TMPRSS11D: variants seen among roughly 807,000 people sequenced by gnomAD.
TMPRSS11D encodes the protein transmembrane serine protease 11D, also known as transmembrane protease serine 11D.
TMPRSS11D carries 32 observed loss-of-function variants against 44.4 expected under a neutral mutation model. The observed-to-expected ratio is 0.72, with a 90% CI of 0.54 to 0.97. The LOEUF is 0.97. TMPRSS11D is among the 50% of genes least tolerant of loss of function. The pLI is 0.00. For synonymous variants in TMPRSS11D, 179 were observed against 177.9 expected (o/e 1.01, Z -0.05); for missense variants, 446 against 502.6 (o/e 0.89, Z 1.08).
At chr4:67,857,268 A>G (rs890673140) in intron 2 of TMPRSS11D, among the ~76,000 whole-genome samples, 10 of 112,690 alleles carry the variant, frequency 8.9e-5, no homozygotes, top group African/African-American at 2.9e-4. Context: ...TAAAGAAAAT[A>G]TGGTATATAT....
intron 3 of TMPRSS11D, among the ~76,000 whole-genome samples, chr4:67,850,049 G>C (rs2109680028): frequency 6.6e-6 from 1 of 152,250 alleles, no homozygotes; most frequent in African/African-American, 2.4e-5. Context: ...TCATACATCA[G>C]AAGAATTTCA....
At chr4:67,830,518 G>A (rs961381432) in intron 7 of TMPRSS11D, among the ~76,000 whole-genome samples, 4 of 151,932 alleles carry the variant, frequency 2.6e-5, no homozygotes, top group Non-Finnish European at 5.9e-5. Flanking sequence ...AAAATTCTAT[G>A]ACCGGAAATA....
At chr4:67,855,251 T>C (rs1718608042) in intron 2 of TMPRSS11D, among the ~76,000 whole-genome samples, 1 of 20,804 alleles carries the variant, frequency 4.8e-5, no homozygotes, top group Admixed American at 5.0e-4. Flanking sequence ...CAAGACTGTC[T>C]CAAAAAAAAA....
At chr4:67,868,007 T>G (rs1465494948) in intron 1 of TMPRSS11D, among the ~76,000 whole-genome samples, 1 of 152,154 alleles carries the variant, frequency 6.6e-6, no homozygotes, top group African/African-American at 2.4e-5. Flanking sequence ...AAAAATTACC[T>G]GTACTCATAT....
chr4:67,821,117 G>C lies in TMPRSS11D; in HGVS notation c.*1220C>G, dbSNP rs937939961. The C allele has an allele frequency of 6.6e-6, 1 of 152,218 alleles. No homozygotes were observed. The highest frequency in any genetic ancestry group is 1.5e-5 in the Non-Finnish European group (1 of 68,056). 9.4% of individuals were successfully genotyped at this position (152,218 alleles called of 1,614,324 possible). ...GAAGCTCTGACGCATAGATGATCAT[G>C]CATAGGCAAACTTTAGCTGTACTAG... On this transcript the variant is annotated 3_prime_UTR_variant, in exon 10 of 10. Transcript: ENST00000283916.
At chr4:67,859,050 TC>T (rs1176862263) in intron 2 of TMPRSS11D, among the ~76,000 whole-genome samples, 1 of 152,132 alleles carries the variant, frequency 6.6e-6, no homozygotes, top group African/African-American at 2.4e-5. Flanking sequence ...CTCCTGACCA[TC>T]CTAACTGTTA....
chr4:67,870,831 A>T (rs926393524), intron 1 of TMPRSS11D, among the ~76,000 whole-genome samples: 32 of 138,978 alleles, frequency 2.3e-4, no homozygotes, highest in Non-Finnish European at 4.3e-4. Context: ...AAAAAAAAAA[A>T]TTGCACCTCC....
chr4:67,834,441 T>C (rs942543686), intron 6 of TMPRSS11D, among the ~76,000 whole-genome samples: 3 of 152,122 alleles, frequency 2.0e-5, no homozygotes, highest in Non-Finnish European at 2.9e-5. Flanking sequence ...AGGACTACCA[T>C]CACTTTGTAA....
chr4:67,873,205 C>G (rs185428415), intron 1 of TMPRSS11D, among the ~76,000 whole-genome samples: 31 of 152,284 alleles, frequency 2.0e-4, no homozygotes, highest in African/African-American at 7.5e-4. Context: ...ACAGCCCAAA[C>G]TTACCAAAAC....
intron 1 of TMPRSS11D, among the ~76,000 whole-genome samples, chr4:67,882,126 A>G (rs987784057): frequency 6.6e-6 from 1 of 152,144 alleles, no homozygotes; most frequent in African/African-American, 2.4e-5. Flanking sequence ...GGAGCATTTC[A>G]TCTTGCAGCA....
chr4:67,836,978 C>T (rs900376480), intron 5 of TMPRSS11D, among the ~76,000 whole-genome samples: 7 of 152,230 alleles, frequency 4.6e-5, no homozygotes, highest in African/African-American at 1.2e-4. Flanking sequence ...ATCCCAAGCA[C>T]GCTGGTCTCT....
intron 3 of TMPRSS11D, among the ~76,000 whole-genome samples, chr4:67,852,631 G>A (rs1376465255): frequency 6.6e-6 from 1 of 152,140 alleles, no homozygotes; most frequent in Non-Finnish European, 1.5e-5. Flanking sequence ...AATAAAGCAA[G>A]CGAAGTTAGA....
At chr4:67,824,199 G>A (rs1717727061) in intron 9 of TMPRSS11D, among the ~76,000 whole-genome samples, 1 of 150,540 alleles carries the variant, frequency 6.6e-6, no homozygotes, top group Admixed American at 6.6e-5. Flanking sequence ...AATCAGTGAG[G>A]CCTAGAGTGG....
chr4:67,846,543 C>T (rs910327568), intron 3 of TMPRSS11D, among the ~76,000 whole-genome samples: 2 of 152,032 alleles, frequency 1.3e-5, no homozygotes, highest in Non-Finnish European at 2.9e-5. Context: ...TGAAGTTTAC[C>T]ATTGGCATAA....
chr4:67,859,371 G>C (rs1370253348), intron 2 of TMPRSS11D, among the ~76,000 whole-genome samples, 186 bp downstream of exon 2: 1 of 151,822 alleles, frequency 6.6e-6, no homozygotes, highest in Non-Finnish European at 1.5e-5. Flanking sequence ...AAATAGGAAA[G>C]AGAAAAAATA....
intron 3 of TMPRSS11D, among the ~76,000 whole-genome samples, chr4:67,851,395 G>A (rs1040506257): frequency 1.3e-5 from 2 of 152,156 alleles, no homozygotes; most frequent in African/African-American, 4.8e-5. Context: ...CTGTGTAAAG[G>A]CAGGCAATGG....
In TMPRSS11D at chr4:67,883,775, A is replaced by C. The variant is rs2109710822; in HGVS notation, c.8+151T>G. 5 of 537,758 alleles carry C rather than the reference A, an allele frequency of 9.3e-6. No individual in the cohort carries two copies. In the South Asian group the frequency reaches 1.4e-4, roughly 15 times the overall value. The allele number at this position is 537,758 out of a possible 1,614,324, so 33.3% of individuals were successfully genotyped here. On this transcript the variant is annotated intron_variant, in intron 1 of 9. Transcript: ENST00000283916. Reference sequence around the variant, plus strand: ...GAAAATAATATCAAGCATATTATCTAAACAATATCTAAGAGTTTCGATGAA... The same window carrying C: ...GAAAATAATATCAAGCATATTATCTCAACAATATCTAAGAGTTTCGATGAA...
chr4:67,868,978 C>T (rs559372698), intron 1 of TMPRSS11D, among the ~76,000 whole-genome samples: 5 of 152,274 alleles, frequency 3.3e-5, no homozygotes, highest in African/African-American at 1.2e-4. Flanking sequence ...AATTCAGTGC[C>T]AAGGGCAAGA....
intron 1 of TMPRSS11D, among the ~76,000 whole-genome samples, chr4:67,868,124 C>T (rs1050821480): frequency 6.9e-6 from 1 of 144,956 alleles, no homozygotes; most frequent in African/African-American, 2.9e-5. Context: ...ACTACTCAAC[C>T]ATAAAAGGAA....
Sources: gnomAD v4.1 joint callset for allele counts (sites outside exome capture counted in the v4.1 genomes callset) on GRCh38, gnomAD v4.1.1 for gene constraint, MANE v1.5 for transcripts, NCBI Gene and HGNC (gene_info 2026-07-23, HGNC 2026-07-21) for gene names.